CATSPERB: variants seen among roughly 807,000 people sequenced by gnomAD.
CATSPERB encodes catsper channel auxiliary subunit beta, also known as cation channel sperm-associated auxiliary subunit beta.
A neutral mutation model predicts 128.3 loss-of-function variants in CATSPERB; 93 were observed. The observed-to-expected ratio is 0.72, with a 90% CI of 0.61 to 0.86. CATSPERB has a LOEUF of 0.86. Ranked by LOEUF, CATSPERB falls within the 40% of genes least tolerant of loss-of-function variation. The pLI, the probability that CATSPERB is intolerant of heterozygous loss-of-function variation, is 0.00. For missense variants in CATSPERB, 1,153 were observed against 1,329.5 expected, an observed-to-expected ratio of 0.87 and a Z score of 2.06; for synonymous variants, 381 against 448.8, an observed-to-expected ratio of 0.85 and a Z score of 1.91.
intron 22 of CATSPERB, among the ~76,000 whole-genome samples, chr14:91,598,163 T>G (rs1316356670): frequency 6.6e-6 from 1 of 151,818 alleles, no homozygotes; most frequent in East Asian, 1.9e-4. Flanking sequence ...TATTTCTTTT[T>G]AAGCTTTTTT....
At chr14:91,672,236 C>T (rs1376125044) in intron 13 of CATSPERB, among the ~76,000 whole-genome samples, 2 of 152,070 alleles carry the variant, frequency 1.3e-5, no homozygotes, top group South Asian at 2.1e-4. Context: ...ACAATCTTGA[C>T]GATAGGGGCC....
At chr14:91,640,237 T>TC (rs1894466496) in intron 15 of CATSPERB, among the ~76,000 whole-genome samples, 1 of 143,748 alleles carries the variant, frequency 7.0e-6, no homozygotes, top group Admixed American at 6.8e-5. Flanking sequence ...TCAATGTCAT[T>TC]CTTTTTATTT....
intron 22 of CATSPERB, among the ~76,000 whole-genome samples, chr14:91,598,586 T>C (rs1704660): frequency 0.73 from 111,375 of 152,002 alleles, 41,255 homozygotes; most frequent in East Asian, 0.97. Context: ...TGGCCGGGCG[T>C]GGTGGCTCAC....
At chr14:91,606,775 A>G (rs540641664) in intron 22 of CATSPERB, among the ~76,000 whole-genome samples, 2 of 152,258 alleles carry the variant, frequency 1.3e-5, no homozygotes, top group South Asian at 4.1e-4. Flanking sequence ...AGTGCCTGAT[A>G]ACACTGGAAA....
At chr14:91,670,005 C>G in intron 13 of CATSPERB, 33 bp from the exon 14 acceptor site, 1 of 1,587,740 alleles carries the variant, frequency 6.3e-7, no homozygotes. Context: ...AGTCATAAGA[C>G]TAGTCTGTGT....
At chr14:91,649,174 T>C (rs2139813360) in intron 15 of CATSPERB, among the ~76,000 whole-genome samples, 1 of 152,280 alleles carries the variant, frequency 6.6e-6, no homozygotes, top group South Asian at 2.1e-4. Context: ...AAATGAACAT[T>C]TATGGTGATA....
chr14:91,590,527 T>A (rs1258246644), intron 23 of CATSPERB, among the ~76,000 whole-genome samples: 2 of 151,978 alleles, frequency 1.3e-5, no homozygotes, highest in Admixed American at 6.5e-5. Flanking sequence ...CGAGACTTGG[T>A]CTCAAAAAAA....
intron 15 of CATSPERB, among the ~76,000 whole-genome samples, chr14:91,641,526 T>C (rs1156855845): frequency 6.6e-6 from 1 of 151,892 alleles, no homozygotes; most frequent in Non-Finnish European, 1.5e-5. Context: ...TGTGGGTATG[T>C]GGCATTATTT....
chr14:91,624,497 T>G (rs538409830), intron 18 of CATSPERB, among the ~76,000 whole-genome samples: 7 of 151,950 alleles, frequency 4.6e-5, no homozygotes, highest in Admixed American at 1.3e-4. Flanking sequence ...AAAAATTAGC[T>G]GGGTGTGGTG....
intron 10 of CATSPERB, among the ~76,000 whole-genome samples, chr14:91,687,219 T>C (rs755104981): frequency 4.6e-5 from 7 of 152,214 alleles, no homozygotes; most frequent in Non-Finnish European, 7.3e-5. Flanking sequence ...TTTGTAACTT[T>C]TTTAGTTTTT....
At chr14:91,622,221 T>TTTA (rs60272735) in intron 18 of CATSPERB, among the ~76,000 whole-genome samples, 85 of 151,930 alleles carry the variant, frequency 5.6e-4, no homozygotes, top group Middle Eastern at 3.4e-3. Flanking sequence ...TTTTTTTTTT[T>TTTA]ACTATGGAAA....
intron 14 of CATSPERB, among the ~76,000 whole-genome samples, chr14:91,665,969 G>A (rs1472973685): frequency 4.6e-5 from 7 of 152,050 alleles, no homozygotes; most frequent in Non-Finnish European, 2.9e-5. Context: ...GAAGGAACCA[G>A]GTGGAAGTGA....
chr14:91,685,555 A>AATCT (rs1895359575), intron 10 of CATSPERB, among the ~76,000 whole-genome samples: 1 of 152,170 alleles, frequency 6.6e-6, no homozygotes, highest in Non-Finnish European at 1.5e-5. Context: ...CGGAACCTAA[A>AATCT]ATCTTGTGAG....
At chr14:91,698,896 C>T (rs1039081048) in intron 7 of CATSPERB, among the ~76,000 whole-genome samples, 4 of 152,182 alleles carry the variant, frequency 2.6e-5, no homozygotes, top group African/African-American at 7.2e-5. Flanking sequence ...CATTACATCA[C>T]TCTGTATGCC....
chr14:91,649,470 C>A (rs1024142526), intron 15 of CATSPERB, among the ~76,000 whole-genome samples: 2 of 150,384 alleles, frequency 1.3e-5, no homozygotes, highest in South Asian at 4.2e-4. Context: ...ATCTAGCCTT[C>A]TTTTGCTTTT....
intron 10 of CATSPERB, among the ~76,000 whole-genome samples, chr14:91,689,606 A>G (rs1448987946): frequency 6.6e-6 from 1 of 152,094 alleles, no homozygotes; most frequent in African/African-American, 2.4e-5. Flanking sequence ...TTGCTGAGAT[A>G]TTTGGATTTA....
chr14:91,689,491 T>C (rs1049630758), intron 10 of CATSPERB, among the ~76,000 whole-genome samples: 1 of 152,190 alleles, frequency 6.6e-6, no homozygotes, highest in African/African-American at 2.4e-5. Context: ...GTCTCCTCCA[T>C]CCATTTATGT....
chr14:91,607,078 T>G, intron 22 of CATSPERB, among the ~76,000 whole-genome samples: 1 of 1,998 alleles, frequency 5.0e-4, no homozygotes, highest in South Asian at 0.038. Context: ...ATTGTGTGTG[T>G]GTGGGCGGGG....
At chr14:91,683,692 G>A (rs552566094) in intron 11 of CATSPERB, among the ~76,000 whole-genome samples, 185 bp downstream of exon 11, 1 of 152,222 alleles carries the variant, frequency 6.6e-6, no homozygotes, top group East Asian at 1.9e-4. Flanking sequence ...CACTGGGACA[G>A]GACACACAGA....
Sources: allele counts gnomAD v4.1 joint callset (sites outside exome capture counted in the v4.1 genomes callset), GRCh38; gene constraint gnomAD v4.1.1; transcripts MANE v1.5; gene names NCBI Gene and HGNC (gene_info 2026-07-23, HGNC 2026-07-21).